RAD51B: variants seen among roughly 807,000 people sequenced by gnomAD.
RAD51B encodes the protein DNA repair protein RAD51 homolog 2.
RAD51B carries 38 observed loss-of-function variants against 42.2 expected under a neutral mutation model. The ratio of observed to expected loss-of-function variants is 0.90; its 90% CI spans 0.70 to 1.18. RAD51B has a LOEUF of 1.18. RAD51B is among the 50% of genes most tolerant of loss of function. RAD51B has a pLI of 0.00. For missense variants in RAD51B, 373 were observed against 400.7 expected, an observed-to-expected ratio of 0.93 and a Z score of 0.59; for synonymous variants, 154 against 145.2, an observed-to-expected ratio of 1.06 and a Z score of -0.43.
intron 7 of RAD51B, among the ~76,000 whole-genome samples, chr14:68,262,860 A>G (rs1235899697): frequency 6.6e-6 from 1 of 152,126 alleles, no homozygotes; most frequent in Non-Finnish European, 1.5e-5. Flanking sequence ...CCCTTTTTCC[A>G]ATCATACTTC....
chr14:67,911,035 C>T (rs2043962466), intron 7 of RAD51B, among the ~76,000 whole-genome samples: 2 of 152,112 alleles, frequency 1.3e-5, no homozygotes, highest in Non-Finnish European at 2.9e-5. Context: ...CCAGGCTGGT[C>T]TCAAACTCCT....
At chr14:68,617,665 C>T (rs925305171) in intron 10 of RAD51B, among the ~76,000 whole-genome samples, 16 of 152,184 alleles carry the variant, frequency 1.1e-4, no homozygotes, top group African/African-American at 3.9e-4. Context: ...GTTTCCCCTG[C>T]TGTAAAGTCC....
intron 10 of RAD51B, among the ~76,000 whole-genome samples, chr14:68,488,710 CTTG>C (rs1452414921): frequency 2.0e-5 from 3 of 152,152 alleles, no homozygotes; most frequent in African/African-American, 7.2e-5. Context: ...ATCACTTTTC[CTTG>C]TTGTATTCGG....
At chr14:67,910,405 C>CAAAAAAAAAAAAAAAAAA (rs576632132) in intron 7 of RAD51B, among the ~76,000 whole-genome samples, 1 of 9,038 alleles carries the variant, frequency 1.1e-4, no homozygotes, top group African/African-American at 1.2e-3. Flanking sequence ...GACTCTGTCT[C>CAAAAAAAAAAAAAAAAAA]AAAAAAAAAA....
intron 11 of RAD51B, among the ~76,000 whole-genome samples, chr14:68,665,976 C>G (rs541401878): frequency 2.4e-4 from 36 of 152,324 alleles, no homozygotes; most frequent in Admixed American, 1.8e-3. Context: ...TCAATCAGAG[C>G]CAATGAGATA....
At chr14:67,886,597 T>C (rs2043068017) in intron 6 of RAD51B, 1 of 228,336 alleles carries the variant, frequency 4.4e-6, no homozygotes, top group Non-Finnish European at 8.7e-6. Context: ...AGATGGAAGC[T>C]GTAGTCTTTT....
At chr14:68,103,880 G>T (rs2077332555) in intron 7 of RAD51B, among the ~76,000 whole-genome samples, 1 of 152,126 alleles carries the variant, frequency 6.6e-6, no homozygotes, top group East Asian at 1.9e-4. Flanking sequence ...AAAATGTAGG[G>T]AATTTTGCAC....
At chr14:67,833,549 G>A (rs893477980) in intron 3 of RAD51B, among the ~76,000 whole-genome samples, 1 of 152,158 alleles carries the variant, frequency 6.6e-6, no homozygotes, top group African/African-American at 2.4e-5. Flanking sequence ...TAACTGAGAT[G>A]ATAACTGAGA....
intron 8 of RAD51B, among the ~76,000 whole-genome samples, chr14:68,371,051 A>AAAAAAAAAAAAAAAAAAAAAAAAAAAATT (rs2083248938): frequency 9.5e-6 from 1 of 105,426 alleles, no homozygotes. Flanking sequence ...AAAAAAAAAA[A>AAAAAAAAAAAAAAAAAAAAAAAAAAAATT]AAAAGAAAAA....
At chr14:68,625,000 TG>T (rs1211904239) in intron 10 of RAD51B, among the ~76,000 whole-genome samples, 2 of 152,110 alleles carry the variant, frequency 1.3e-5, no homozygotes, top group Non-Finnish European at 2.9e-5. Context: ...GATGAAGAAC[TG>T]TTACTGTTCT....
rs138021954 is a variant in RAD51B, at chr14:68,028,351, C to T, written c.756+141147C>T. Among the ~76,000 whole-genome samples, 32 of 152,314 alleles carry T rather than the reference C, an allele frequency of 2.1e-4. No individual in the cohort carries two copies. The South Asian group carries it at 4.8e-3, about 23-fold the overall frequency. ...GCTAGGTGTTCTGGGCCATGAGGCT[C>T]TCTTGGGCAGAAACCATGGCAGGGA... On this transcript the variant is annotated intron_variant, in intron 7 of 10. Transcript: ENST00000471583.
chr14:68,476,045 G>GAA (rs35479070), intron 10 of RAD51B, among the ~76,000 whole-genome samples: 2 of 127,682 alleles, frequency 1.6e-5, no homozygotes, highest in Admixed American at 8.4e-5. Context: ...ATATAAGGCT[G>GAA]AAAAAAAAAA....
chr14:68,321,467 G>GTGA (rs1252870596), intron 8 of RAD51B, among the ~76,000 whole-genome samples: 11 of 152,202 alleles, frequency 7.2e-5, no homozygotes, highest in Admixed American at 5.9e-4. Context: ...AATTTAGTAA[G>GTGA]TGATAGACTT....
At chr14:68,440,591 C>A (rs1351251266) in intron 9 of RAD51B, among the ~76,000 whole-genome samples, 3 of 151,922 alleles carry the variant, frequency 2.0e-5, no homozygotes, top group Non-Finnish European at 1.5e-5. Flanking sequence ...CTAAAAAATA[C>A]AAAAATTAGT....
At chr14:68,570,390 C>A (rs1259015671) in intron 10 of RAD51B, among the ~76,000 whole-genome samples, 1 of 152,218 alleles carries the variant, frequency 6.6e-6, no homozygotes, top group Non-Finnish European at 1.5e-5. Flanking sequence ...CTATGAGAAA[C>A]CAGCCTTGTC....
chr14:68,002,517 T>C (rs189455166), intron 7 of RAD51B, among the ~76,000 whole-genome samples: 10 of 152,352 alleles, frequency 6.6e-5, no homozygotes, highest in African/African-American at 2.4e-4. Context: ...TCTTTTGCTG[T>C]GCAGAAGCTC....
intron 9 of RAD51B, among the ~76,000 whole-genome samples, chr14:68,438,979 A>T (rs1217919810): frequency 1.3e-5 from 2 of 152,144 alleles, no homozygotes; most frequent in African/African-American, 4.8e-5. Context: ...GGATCATGCC[A>T]GTCAGTGGAT....
chr14:68,072,099 T>TATATTTATATATAAATATATAATAC (rs2076757852), intron 7 of RAD51B, among the ~76,000 whole-genome samples: 3 of 130,648 alleles, frequency 2.3e-5, no homozygotes, highest in African/African-American at 9.6e-5. Context: ...ATATATAATA[T>TATATTTATATATAAATATATAATAC]ATAAAATATA....
intron 7 of RAD51B, among the ~76,000 whole-genome samples, chr14:68,085,254 C>T (rs1442194971): frequency 6.6e-6 from 1 of 152,146 alleles, no homozygotes; most frequent in Non-Finnish European, 1.5e-5. Context: ...TAGACAGTGT[C>T]TGCATTTCTA....
Sources: gnomAD v4.1 joint callset for allele counts (sites outside exome capture counted in the v4.1 genomes callset) on GRCh38, gnomAD v4.1.1 for gene constraint, MANE v1.5 for transcripts, NCBI Gene and HGNC (gene_info 2026-07-23, HGNC 2026-07-21) for gene names.